Variants in TRIM33 observed in about 807,000 individuals in gnomAD.
TRIM33 encodes the protein E3 ubiquitin-protein ligase TRIM33.
A neutral mutation model predicts 125.4 loss-of-function variants in TRIM33; 20 were observed. The observed-to-expected ratio is 0.16, with a 90% CI of 0.11 to 0.23. The LOEUF (loss-of-function observed/expected upper bound fraction) is 0.23, where lower values mean the gene tolerates loss of function less well. Among genes scored for constraint, TRIM33 ranks in the 10% least tolerant of loss-of-function variants. The pLI is 1.00. For missense variants in TRIM33, 920 were observed against 1,411.4 expected, an observed-to-expected ratio of 0.65 and a Z score of 5.58; for synonymous variants, 564 against 513.9, an observed-to-expected ratio of 1.10 and a Z score of -1.32.
intron 1 of TRIM33, among the ~76,000 whole-genome samples, chr1:114,495,224 A>C (rs578188352): frequency 2.6e-5 from 4 of 152,204 alleles, no homozygotes; most frequent in African/African-American, 7.2e-5. Flanking sequence ...AAAATAGAGT[A>C]TTTTTTAAAT....
chr1:114,511,172 G>A lies in TRIM33; in HGVS notation c.-96C>T, dbSNP rs1653354010. On this transcript the variant is annotated 5_prime_UTR_variant, in exon 1 of 20. Transcript: ENST00000358465. The stretch of plus-strand genomic sequence containing the variant: ...AGCCCCAGCCGCAGCCGCAGCAAGA[G>A]CGGCAGCCGAGAGCTAGCGAGAGAG... The A allele has an allele frequency of 9.7e-7, 1 of 1,032,976 alleles. No individual in the cohort carries two copies. Among genetic ancestry groups the A allele is most frequent in the Non-Finnish European group, 1.2e-6 (1 of 858,496 alleles). 64.0% of individuals were successfully genotyped at this position (1,032,976 alleles called of 1,614,324 possible).
intron 4 of TRIM33, among the ~76,000 whole-genome samples, chr1:114,435,545 T>C (rs1648223337): frequency 6.6e-6 from 1 of 152,092 alleles, no homozygotes; most frequent in Non-Finnish European, 1.5e-5. Context: ...GACTATGAAA[T>C]TGTTAACATA....
intron 1 of TRIM33, among the ~76,000 whole-genome samples, chr1:114,478,716 A>C (rs745907899): frequency 6.6e-6 from 1 of 152,238 alleles, no homozygotes; most frequent in African/African-American, 2.4e-5. Context: ...TTAAAAGTAC[A>C]TGCAAAATAA....
intron 1 of TRIM33, among the ~76,000 whole-genome samples, chr1:114,478,507 T>C (rs1474251634): frequency 6.6e-6 from 1 of 151,900 alleles, no homozygotes; most frequent in African/African-American, 2.4e-5. Flanking sequence ...ATTGGGACAC[T>C]GCACATACCA....
At chr1:114,467,686 AG>A (rs992905079) in intron 1 of TRIM33, among the ~76,000 whole-genome samples, 1 of 152,198 alleles carries the variant, frequency 6.6e-6, no homozygotes, top group African/African-American at 2.4e-5. Context: ...AAGTCAAACA[AG>A]GATCAACTAC....
At chr1:114,428,260 C>T (rs929633728) in intron 6 of TRIM33, among the ~76,000 whole-genome samples, 1 of 151,914 alleles carries the variant, frequency 6.6e-6, no homozygotes, top group African/African-American at 2.4e-5. Flanking sequence ...ACTTTAAAGG[C>T]CAAAAAAATT....
chr1:114,456,052 T>C (rs1479487451), intron 4 of TRIM33, among the ~76,000 whole-genome samples: 2 of 152,202 alleles, frequency 1.3e-5, no homozygotes, highest in Non-Finnish European at 2.9e-5. Context: ...TGACAGCTAA[T>C]GGGATTAAGG....
At chr1:114,489,234 GC>G (rs1440898012) in intron 1 of TRIM33, among the ~76,000 whole-genome samples, 1 of 152,136 alleles carries the variant, frequency 6.6e-6, no homozygotes, top group East Asian at 1.9e-4. Flanking sequence ...ATATCCTTGT[GC>G]AAAAGAATGA....
chr1:114,457,121 C>CA (rs545299432), intron 4 of TRIM33, among the ~76,000 whole-genome samples: 3 of 152,074 alleles, frequency 2.0e-5, no homozygotes, highest in Non-Finnish European at 4.4e-5. Context: ...ATAAAACTCC[C>CA]AAAAAGAGGC....
intron 1 of TRIM33, among the ~76,000 whole-genome samples, chr1:114,494,545 A>T (rs955208767): frequency 1.3e-5 from 2 of 152,192 alleles, no homozygotes; most frequent in African/African-American, 4.8e-5. Context: ...ATAAAATAGG[A>T]TATATACCTG....
chr1:114,440,303 G>T (rs948463671), intron 4 of TRIM33, among the ~76,000 whole-genome samples: 3 of 150,830 alleles, frequency 2.0e-5, no homozygotes, highest in African/African-American at 7.3e-5. Flanking sequence ...ATAGCAACAG[G>T]AAATTCAATC....
intron 9 of TRIM33, 45 bp from the exon 10 acceptor site, chr1:114,424,800 A>C: frequency 8.3e-7 from 1 of 1,199,050 alleles, no homozygotes; most frequent in Non-Finnish European, 1.1e-6. Context: ...TTTTAAAATA[A>C]ATTTATCTCA....
chr1:114,394,166 G>C lies in TRIM33; in HGVS notation c.*3482C>G, dbSNP rs929791360. 3 of 229,118 alleles carry C rather than the reference G, an allele frequency of 1.3e-5. No homozygotes were observed. Among genetic ancestry groups the C allele is most frequent in the Non-Finnish European group, 2.6e-5 (3 of 115,318 alleles). The allele number at this position is 229,118 out of a possible 1,614,324, so 14.2% of individuals were successfully genotyped here. A position where few individuals can be genotyped will look rare whatever the true frequency, so the allele number is the denominator to read the frequency against. ...TTTAACTAAGGGAGTTGGGTGCGTGGATTTTTTATAAAACTACTCACTGAT... is the reference window on the plus strand; with the variant it reads ...TTTAACTAAGGGAGTTGGGTGCGTGCATTTTTTATAAAACTACTCACTGAT... On this transcript the variant is annotated 3_prime_UTR_variant, in exon 20 of 20. Transcript: ENST00000358465.
chr1:114,436,515 G>A (rs1239735340), intron 4 of TRIM33, among the ~76,000 whole-genome samples: 1 of 151,822 alleles, frequency 6.6e-6, no homozygotes, highest in African/African-American at 2.4e-5. Flanking sequence ...GTCCAGGCTG[G>A]AGTGCAGTGG....
At position 114,399,561 on chromosome 1, in the gene TRIM33, C is replaced by T. The variant is rs763612749; in HGVS notation, c.3016G>A (p.Val1006Met). 5 of 1,610,108 alleles carry T rather than the reference C, an allele frequency of 3.1e-6. No homozygotes were observed. The highest frequency in any genetic ancestry group is 3.3e-5 in the Admixed American group (2 of 59,914). The change falls in exon 18 of 20, where the codon GTG becomes ATG. Residue 1006 changes from valine to methionine, a missense_variant. Around this residue, in one of 8 missense-constraint regions of TRIM33, gnomAD observed 122 missense variants for 236.8 expected, o/e 0.52. Coordinates refer to ENST00000358465, the MANE Select transcript of TRIM33 (RefSeq NM_015906.4). Reference protein sequence around the residue: ...IIKKPMDLSTVKKKLQKKHSQ... With the variant: ...IIKKPMDLSTMKKKLQKKHSQ... Reference sequence around the variant, plus strand: ...TGTTTTTTCTGAAGCTTCTTTTTCACGGTGGATAAATCCATTGGTTTCTTT... The same window carrying T: ...TGTTTTTTCTGAAGCTTCTTTTTCATGGTGGATAAATCCATTGGTTTCTTT...
intron 17 of TRIM33, among the ~76,000 whole-genome samples, 185 bp from the exon 18 acceptor site, chr1:114,399,794 C>T (rs547152404): frequency 6.6e-6 from 1 of 152,094 alleles, no homozygotes; most frequent in South Asian, 2.1e-4. Context: ...GCATATGTGC[C>T]AATCTTCATG....
At chr1:114,484,322 A>G (rs1231544787) in intron 1 of TRIM33, among the ~76,000 whole-genome samples, 1 of 152,012 alleles carries the variant, frequency 6.6e-6, no homozygotes, top group African/African-American at 2.4e-5. Flanking sequence ...ATAATTTTTT[A>G]ATTGAACTGG....
At chr1:114,489,313 A>C (rs1651905338) in intron 1 of TRIM33, among the ~76,000 whole-genome samples, 1 of 152,222 alleles carries the variant, frequency 6.6e-6, no homozygotes, top group Non-Finnish European at 1.5e-5. Flanking sequence ...AGAGAATCTG[A>C]ATCTAAAACC....
At chr1:114,408,877 A>G in intron 12 of TRIM33, 137 bp from the exon 13 acceptor site, 1 of 599,438 alleles carries the variant, frequency 1.7e-6, no homozygotes, top group South Asian at 2.0e-5. Context: ...AAAGTCAGGG[A>G]CGCATGTGTA....
Sources: allele counts gnomAD v4.1 joint callset (sites outside exome capture counted in the v4.1 genomes callset), GRCh38; gene constraint gnomAD v4.1.1; regional missense constraint gnomAD v4.1.1; transcripts MANE v1.5; gene names NCBI Gene and HGNC (gene_info 2026-07-23, HGNC 2026-07-21).